The following CD2AP variants were observed in gnomAD, a reference collection of about 807,000 sequenced individuals.
CD2AP encodes the protein CD2 associated protein.
A neutral mutation model predicts 85.1 loss-of-function variants in CD2AP; 46 were observed. The ratio of observed to expected loss-of-function variants is 0.54; its 90% CI spans 0.43 to 0.69. CD2AP has a LOEUF of 0.69. CD2AP is among the 30% of genes least tolerant of loss of function. The pLI, the probability that CD2AP is intolerant of heterozygous loss-of-function variation, is 0.00. For missense variants in CD2AP, 769 were observed against 729.5 expected (o/e 1.05, Z -0.62); for synonymous variants, 255 against 252.9 (o/e 1.01, Z -0.08).
intron 4 of CD2AP, among the ~76,000 whole-genome samples, chr6:47,549,724 T>A (rs944363862): frequency 6.6e-6 from 1 of 152,042 alleles, no homozygotes; most frequent in Non-Finnish European, 1.5e-5. Flanking sequence ...AAAATTCATA[T>A]GGAACCAAAA....
intron 1 of CD2AP, among the ~76,000 whole-genome samples, chr6:47,489,535 A>G (rs975056758): frequency 3.9e-5 from 6 of 152,132 alleles, no homozygotes; most frequent in Non-Finnish European, 8.8e-5. Context: ...AAGTTCTTAC[A>G]TAGCAACTTC....
At chr6:47,500,753 T>TG (rs2113978140) in intron 1 of CD2AP, among the ~76,000 whole-genome samples, 1 of 151,584 alleles carries the variant, frequency 6.6e-6, no homozygotes, top group African/African-American at 2.4e-5. Context: ...TCCTTGGTTT[T>TG]TTTTTTTTTT....
At chr6:47,601,429 A>T (rs1562051856) in intron 13 of CD2AP, among the ~76,000 whole-genome samples, 1 of 151,992 alleles carries the variant, frequency 6.6e-6, no homozygotes, top group Non-Finnish European at 1.5e-5. Context: ...TTGGTGTACT[A>T]TACTTAGGCC....
At chr6:47,607,870 A>G in intron 14 of CD2AP, 57 bp from the exon 15 acceptor site, 1 of 1,156,578 alleles carries the variant, frequency 8.6e-7, no homozygotes, top group Non-Finnish European at 1.3e-6. Flanking sequence ...CCAAAGACTT[A>G]CTACCTTTTC....
chr6:47,612,342 A>G, intron 16 of CD2AP, 131 bp from the exon 17 acceptor site: 1 of 649,708 alleles, frequency 1.5e-6, no homozygotes, highest in Non-Finnish European at 2.8e-6. Flanking sequence ...ATTTTTCTTA[A>G]TTAACATTGC....
In CD2AP at chr6:47,578,960, T is replaced by C. The variant is rs532025395; in HGVS notation, c.904-425T>C. 2.0e-5 allele frequency among the ~76,000 whole-genome samples: 3 copies of C among 152,276 alleles called. No homozygotes were observed. In the East Asian group the frequency reaches 5.8e-4, roughly 29 times the overall value. On this transcript the variant is annotated intron_variant, in intron 8 of 17. Transcript: ENST00000359314. ...GTGTGAGCCACCGTACCCGGCCTCA[T>C]TTTATCTTTCTCTTTTTTCCTCTGA...
chr6:47,571,090 C>G (rs953219178), intron 5 of CD2AP, among the ~76,000 whole-genome samples: 2 of 152,090 alleles, frequency 1.3e-5, no homozygotes, highest in East Asian at 1.9e-4. Context: ...AGAATAATCT[C>G]TTAAAGTTGT....
intron 12 of CD2AP, among the ~76,000 whole-genome samples, chr6:47,599,043 T>C (rs1769031556): frequency 6.6e-6 from 1 of 150,872 alleles, no homozygotes. Context: ...GTATTATTTT[T>C]AATATTTTCT....
intron 11 of CD2AP, among the ~76,000 whole-genome samples, chr6:47,591,160 A>G (rs1016917603): frequency 1.1e-4 from 17 of 152,238 alleles, no homozygotes; most frequent in Non-Finnish European, 2.4e-4. Flanking sequence ...ACACAGCAAA[A>G]TGAATCTTAG....
At chr6:47,528,187 G>C (rs1227674346) in intron 2 of CD2AP, among the ~76,000 whole-genome samples, 1 of 151,800 alleles carries the variant, frequency 6.6e-6, no homozygotes, top group African/African-American at 2.4e-5. Context: ...ACTTCTTTTG[G>C]GGGATGAGAC....
intron 5 of CD2AP, among the ~76,000 whole-genome samples, chr6:47,557,833 A>T (rs1325662221): frequency 1.6e-4 from 24 of 152,126 alleles, no homozygotes; most frequent in African/African-American, 4.8e-4. Flanking sequence ...CATATGAAAC[A>T]TAAAGTAGTT....
At chr6:47,577,204 A>G (rs1378755276) in intron 8 of CD2AP, 101 bp downstream of exon 8, 2 of 709,206 alleles carry the variant, frequency 2.8e-6, no homozygotes, top group Non-Finnish European at 5.1e-6. Flanking sequence ...TTCACCCTGG[A>G]ATCTAGAAGA....
intron 17 of CD2AP, among the ~76,000 whole-genome samples, chr6:47,622,058 T>C (rs1048357519): frequency 2.6e-5 from 4 of 152,208 alleles, no homozygotes; most frequent in African/African-American, 4.8e-5. Flanking sequence ...GCCAGGTCAC[T>C]GGAGTTGTGT....
intron 8 of CD2AP, 56 bp from the exon 9 acceptor site, chr6:47,579,329 T>C: frequency 2.3e-6 from 2 of 885,622 alleles, no homozygotes; most frequent in Non-Finnish European, 3.4e-6. Flanking sequence ...AGCAACACTT[T>C]ATCTTAAAAA....
chr6:47,599,788 G>A (rs1370506822), intron 13 of CD2AP, among the ~76,000 whole-genome samples: 1 of 151,950 alleles, frequency 6.6e-6, no homozygotes, highest in Non-Finnish European at 1.5e-5. Flanking sequence ...AAAATGAGAT[G>A]ACATAGACTT....
chr6:47,512,394 G>A (rs1323914496), intron 2 of CD2AP, among the ~76,000 whole-genome samples: 4 of 152,168 alleles, frequency 2.6e-5, no homozygotes, highest in Admixed American at 6.5e-5. Flanking sequence ...TGTGAATATG[G>A]AGTGTGGATG....
rs1769045328 is a variant in CD2AP at position 47,599,307 on chromosome 6, T to C, written c.1281T>C (p.Asn427=). The C allele has an allele frequency of 6.2e-7, 1 of 1,612,020 alleles. No homozygotes were observed. Among genetic ancestry groups the C allele is most frequent in the East Asian group, 2.2e-5 (1 of 44,764 alleles). ...VPPPPPIAKI[N]GEVSSISSKF... ...TGTTTTTTTCTTATTTCAGGATTAA[T>C]GGGGAAGTTTCTAGCATTTCATCAA... Residue 427 remains asparagine (N), a synonymous_variant, in exon 13 of 18, where the codon AAT becomes AAC. Transcript: ENST00000359314.
At chr6:47,514,494 A>C (rs1766402146) in intron 2 of CD2AP, among the ~76,000 whole-genome samples, 1 of 152,232 alleles carries the variant, frequency 6.6e-6, no homozygotes, top group Non-Finnish European at 1.5e-5. Context: ...TGGCTAGTTC[A>C]TATTTGGCAC....
intron 2 of CD2AP, among the ~76,000 whole-genome samples, chr6:47,510,016 C>A (rs1268057096): frequency 6.6e-6 from 1 of 152,016 alleles, no homozygotes; most frequent in Non-Finnish European, 1.5e-5. Context: ...ATTTTTCTTT[C>A]CTGTTTCAGT....
Sources: gnomAD v4.1 joint callset for allele counts (sites outside exome capture counted in the v4.1 genomes callset) on GRCh38, gnomAD v4.1.1 for gene constraint, MANE v1.5 for transcripts, NCBI Gene and HGNC (gene_info 2026-07-23, HGNC 2026-07-21) for gene names.